Variants in KCNMA1 observed in about 807,000 individuals in gnomAD.
The protein encoded by KCNMA1 is potassium calcium-activated channel subfamily M alpha 1.
In KCNMA1, 29 loss-of-function variants were observed where a neutral mutation model predicts 140.0. The observed-to-expected ratio is 0.21, with a 90% CI of 0.15 to 0.28. KCNMA1 has a LOEUF of 0.28. Ranked by LOEUF, KCNMA1 falls within the 10% of genes least tolerant of loss-of-function variation. The pLI is 1.00. For missense variants in KCNMA1, 880 were observed against 1,602.2 expected, an observed-to-expected ratio of 0.55 and a Z score of 7.70; for synonymous variants, 612 against 611.9, an observed-to-expected ratio of 1.00 and a Z score of 0.00.
chr10:77,598,057 C>T (rs926814056), intron 1 of KCNMA1, among the ~76,000 whole-genome samples: 1 of 152,096 alleles, frequency 6.6e-6, no homozygotes, highest in Non-Finnish European at 1.5e-5. Flanking sequence ...CTGCAACCTC[C>T]GCCTCCCAGG....
chr10:77,296,890 G>A (rs891403532), intron 2 of KCNMA1, among the ~76,000 whole-genome samples: 2 of 147,024 alleles, frequency 1.4e-5, no homozygotes, highest in African/African-American at 5.0e-5. Flanking sequence ...TAAAATCTAA[G>A]AGGAATGCCT....
chr10:77,048,764 CT>C (rs1469279265), intron 14 of KCNMA1, among the ~76,000 whole-genome samples: 2 of 151,992 alleles, frequency 1.3e-5, no homozygotes, highest in Non-Finnish European at 2.9e-5. Flanking sequence ...GAGAACATGA[CT>C]TTTTTGTTTT....
intron 2 of KCNMA1, among the ~76,000 whole-genome samples, chr10:77,374,081 C>T (rs555635948): frequency 6.6e-6 from 1 of 152,118 alleles, no homozygotes; most frequent in Non-Finnish European, 1.5e-5. Flanking sequence ...TGATCTGAAG[C>T]CCTGTCCACA....
intron 23 of KCNMA1, among the ~76,000 whole-genome samples, chr10:76,923,697 G>A (rs4979878): frequency 0.8 from 121,549 of 152,114 alleles, 48,948 homozygotes; most frequent in South Asian, 0.91. Context: ...ACAATTTAAA[G>A]ATAAGGCCAG....
downstream of KCNMA1, chr10:76,876,458 G>A (rs931834322): frequency 3.9e-5 from 6 of 152,620 alleles, no homozygotes; most frequent in African/African-American, 7.2e-5. Context: ...CTGAGACATC[G>A]TAATTGCATC....
At chr10:77,037,299 C>A (rs1452523779) in intron 15 of KCNMA1, among the ~76,000 whole-genome samples, 1 of 152,218 alleles carries the variant, frequency 6.6e-6, no homozygotes, top group Non-Finnish European at 1.5e-5. Context: ...CATGACTATA[C>A]TAACCCCTTT....
intron 23 of KCNMA1, among the ~76,000 whole-genome samples, chr10:76,942,778 T>C (rs1367485270): frequency 6.6e-6 from 1 of 152,172 alleles, no homozygotes; most frequent in Non-Finnish European, 1.5e-5. Context: ...AGTGTTTTCC[T>C]GCCTCCTCCT....
intron 1 of KCNMA1, among the ~76,000 whole-genome samples, chr10:77,499,436 T>TACACAC (rs10672811): frequency 1.6e-4 from 23 of 142,980 alleles, no homozygotes; most frequent in South Asian, 4.5e-4. Flanking sequence ...CACACACACA[T>TACACAC]ACACACACAC....
At chr10:77,289,207 G>A (rs2072235867) in intron 2 of KCNMA1, among the ~76,000 whole-genome samples, 1 of 152,122 alleles carries the variant, frequency 6.6e-6, no homozygotes. Flanking sequence ...CCACACAGGA[G>A]CAGTTCCCTT....
chr10:77,249,892 G>A (rs1460418993), intron 3 of KCNMA1: 5 of 152,172 alleles, frequency 3.3e-5, no homozygotes, highest in Non-Finnish European at 2.9e-5. Context: ...TCCTGACAGC[G>A]TTTAAAGGAC....
chr10:77,134,942 G>A (rs2097957785), intron 5 of KCNMA1, among the ~76,000 whole-genome samples: 1 of 121,790 alleles, frequency 8.2e-6, no homozygotes, highest in Non-Finnish European at 1.6e-5. Flanking sequence ...AGATTGCAGT[G>A]AGCTGAGATC....
chr10:77,123,347 A>C (rs559558547), intron 5 of KCNMA1, among the ~76,000 whole-genome samples: 13 of 152,314 alleles, frequency 8.5e-5, no homozygotes, highest in Non-Finnish European at 1.8e-4. Flanking sequence ...AAGGTCTCAA[A>C]AAATACATTG....
chr10:77,474,326 A>C (rs1461088987), intron 1 of KCNMA1, among the ~76,000 whole-genome samples: 2 of 152,194 alleles, frequency 1.3e-5, no homozygotes, highest in African/African-American at 2.4e-5. Flanking sequence ...ATTATGGTTA[A>C]ATGAGGTCAT....
chr10:77,490,574 C>T lies in KCNMA1; in HGVS notation c.379-86551G>A, dbSNP rs368082166. On this transcript the variant is annotated intron_variant, in intron 1 of 27. Transcript: ENST00000286628. ...TAGAGTGTGTAGAGTGCCTACAACA[C>T]GCTAAGACCACACTAGGTTATGTCA... 2.2e-4 allele frequency among the ~76,000 whole-genome samples: 33 copies of T among 152,290 alleles called. No homozygotes were observed. The East Asian group carries it at 3.9e-3, about 18-fold the overall frequency.
chr10:77,382,160 C>T (rs1336920950), intron 2 of KCNMA1, among the ~76,000 whole-genome samples: 1 of 152,044 alleles, frequency 6.6e-6, no homozygotes, highest in African/African-American at 2.4e-5. Flanking sequence ...AATTTCTCTG[C>T]ACCACCGAGT....
intron 15 of KCNMA1, among the ~76,000 whole-genome samples, chr10:77,034,935 T>C (rs2094212927): frequency 6.6e-6 from 1 of 152,176 alleles, no homozygotes; most frequent in South Asian, 2.1e-4. Context: ...TAGAACACAG[T>C]GTTCTTGAGG....
At chr10:77,624,284 A>G (rs1235458983) in intron 1 of KCNMA1, among the ~76,000 whole-genome samples, 1 of 152,250 alleles carries the variant, frequency 6.6e-6, no homozygotes, top group Non-Finnish European at 1.5e-5. Flanking sequence ...CACTATTTAT[A>G]GTCTATAATC....
intron 5 of KCNMA1, among the ~76,000 whole-genome samples, chr10:77,126,854 GT>G (rs1457856380): frequency 3.3e-5 from 5 of 151,986 alleles, no homozygotes; most frequent in African/African-American, 4.8e-5. Flanking sequence ...GCCAGCCTGA[GT>G]TCTCCACCCT....
In KCNMA1 at chr10:77,079,369, A is replaced by AGTGT. The variant is rs68133946; in HGVS notation, c.1593+108_1593+111dup. ...AGTTGCGCACATGTGGGCATGTGAGAGTGTGTGTGTGTGTGTGTGTGTGTG... is the reference window on the plus strand; with the variant it reads ...AGTTGCGCACATGTGGGCATGTGAGAGTGTGTGTGTGTGTGTGTGTGTGTGTGTG... On this transcript the variant is annotated intron_variant, in intron 13 of 27. Coordinates refer to ENST00000286628, the MANE Select transcript of KCNMA1 (RefSeq NM_001161352.2). 224,287 of 652,972 alleles carry AGTGT rather than the reference A, an allele frequency of 0.34. 12,587 individuals are homozygous for AGTGT. Among genetic ancestry groups the AGTGT allele is most frequent in the Admixed American group, 0.41 (18,975 of 46,582 alleles). The allele number at this position is 652,972 out of a possible 1,614,324, so 40.4% of individuals were successfully genotyped here. A position where few individuals can be genotyped will look rare whatever the true frequency, so the allele number is the denominator to read the frequency against.
Sources: gnomAD v4.1 joint callset for allele counts (sites outside exome capture counted in the v4.1 genomes callset) on GRCh38, gnomAD v4.1.1 for gene constraint, MANE v1.5 for transcripts, NCBI Gene and HGNC (gene_info 2026-07-23, HGNC 2026-07-21) for gene names.